Variants in ROBO2 observed in about 807,000 individuals in gnomAD.
The protein encoded by ROBO2 is roundabout guidance receptor 2, also known as roundabout homolog 2.
A neutral mutation model predicts 160.8 loss-of-function variants in ROBO2; 53 were observed. The observed-to-expected ratio is 0.33, with a 90% CI of 0.26 to 0.41. The LOEUF (loss-of-function observed/expected upper bound fraction) is 0.41, where lower values mean the gene tolerates loss of function less well. Among genes scored for constraint, ROBO2 ranks in the 10% least tolerant of loss-of-function variants. The pLI is 1.00. For synonymous variants in ROBO2, 664 were observed against 611.7 expected (o/e 1.09, Z -1.26); for missense variants, 1,577 against 1,722.4 (o/e 0.92, Z 1.49).
intron 20 of ROBO2, among the ~76,000 whole-genome samples, chr3:77,605,091 A>G (rs975466948): frequency 1.1e-4 from 17 of 151,138 alleles, no homozygotes; most frequent in African/African-American, 3.6e-4. Flanking sequence ...CTTGAGCCTG[A>G]GAAGTTGAGC....
At chr3:76,092,611 T>C (rs1208293640) in intron 2 of ROBO2, among the ~76,000 whole-genome samples, 1 of 152,202 alleles carries the variant, frequency 6.6e-6, no homozygotes, top group Admixed American at 6.5e-5. Flanking sequence ...TAACAGGTGT[T>C]CTAGCAAGAC....
At position 76,131,193 on chromosome 3, in the gene ROBO2, C is replaced by G. The variant is rs1261574039; in HGVS notation, c.109+193591C>G. 2.0e-5 allele frequency among the ~76,000 whole-genome samples: 3 copies of G among 152,114 alleles called. No individual in the cohort carries two copies. In the East Asian group the frequency reaches 5.8e-4, roughly 29 times the overall value. ...TACATAAGTGCTTGAATTATAACTG[C>G]TTGAAATTGAAAACTTCACCTGCTA... On this transcript the variant is annotated intron_variant, in intron 2 of 26. Coordinates refer to the ROBO2 transcript ENST00000487694.
chr3:77,260,354 A>G (rs565056184), intron 2 of ROBO2, among the ~76,000 whole-genome samples: 16 of 152,332 alleles, frequency 1.1e-4, no homozygotes, highest in African/African-American at 3.8e-4. Context: ...GGGAGGTGAT[A>G]ATACTCCACA....
intron 2 of ROBO2, among the ~76,000 whole-genome samples, chr3:76,922,469 A>T (rs549793339): frequency 2.2e-4 from 33 of 152,278 alleles, no homozygotes; most frequent in African/African-American, 7.9e-4. Flanking sequence ...AACCAGTAAA[A>T]CTGAAGCCCA....
intron 2 of ROBO2, among the ~76,000 whole-genome samples, chr3:76,838,516 G>T (rs947306584): frequency 2.6e-5 from 4 of 152,054 alleles, no homozygotes; most frequent in African/African-American, 9.7e-5. Flanking sequence ...TCTAGTAGGG[G>T]TCATTGAGAA....
chr3:76,322,162 C>T (rs1294260565), intron 2 of ROBO2, among the ~76,000 whole-genome samples: 2 of 35,378 alleles, frequency 5.7e-5, no homozygotes, highest in African/African-American at 2.8e-4. Flanking sequence ...TCTACTTCTT[C>T]CGTATATATA....
At chr3:77,612,326 ATC>A (rs533597411) in intron 21 of ROBO2, among the ~76,000 whole-genome samples, 2 of 152,222 alleles carry the variant, frequency 1.3e-5, no homozygotes, top group Non-Finnish European at 2.9e-5. Context: ...TTGTAGAGTC[ATC>A]TGTTACTTTC....
At chr3:76,336,885 A>C (rs1199148823) in intron 2 of ROBO2, among the ~76,000 whole-genome samples, 4 of 152,330 alleles carry the variant, frequency 2.6e-5, no homozygotes, top group African/African-American at 4.8e-5. Flanking sequence ...GTATATATTT[A>C]ATTGTCAATT....
intron 5 of ROBO2, among the ~76,000 whole-genome samples, chr3:77,522,513 T>A (rs189689106): frequency 6.6e-6 from 1 of 151,272 alleles, no homozygotes; most frequent in African/African-American, 2.4e-5. Context: ...GTGCTAATTA[T>A]GCCTTTGATA....
chr3:77,357,351 T>A (rs184334688), intron 2 of ROBO2, among the ~76,000 whole-genome samples: 19 of 152,230 alleles, frequency 1.2e-4, no homozygotes, highest in Admixed American at 1.2e-3. Context: ...GATGAAAGGA[T>A]GAGTTCGGCT....
chr3:76,046,068 G>A (rs1373702186), intron 2 of ROBO2, among the ~76,000 whole-genome samples: 1 of 151,822 alleles, frequency 6.6e-6, no homozygotes, highest in Non-Finnish European at 1.5e-5. Flanking sequence ...TGAGTGATCT[G>A]TTCAGGCCCA....
intron 2 of ROBO2, among the ~76,000 whole-genome samples, chr3:77,421,445 T>A (rs1255994941): frequency 1.3e-5 from 2 of 152,134 alleles, no homozygotes; most frequent in Non-Finnish European, 2.9e-5. Context: ...GTGATGCAGC[T>A]TCAGTATAAA....
At chr3:77,602,477 A>G in exon 20 of ROBO2, 1 of 1,614,140 alleles carries the variant, frequency 6.2e-7, no homozygotes, top group Non-Finnish European at 8.5e-7. Flanking sequence ...CCTGATCAGA[A>G]CAAAGGTAAC....
chr3:77,052,888 A>G (rs912216539), intron 1 of ROBO2, among the ~76,000 whole-genome samples: 3 of 152,218 alleles, frequency 2.0e-5, no homozygotes, highest in African/African-American at 4.8e-5. Context: ...GCAGCTAATG[A>G]GAAAGTGTTA....
chr3:76,249,514 A>C (rs929335244), intron 2 of ROBO2, among the ~76,000 whole-genome samples: 30 of 152,130 alleles, frequency 2.0e-4, no homozygotes, highest in African/African-American at 7.0e-4. Flanking sequence ...GCAGAAAGAA[A>C]AGTTATTATT....
intron 2 of ROBO2, among the ~76,000 whole-genome samples, chr3:76,733,695 T>C (rs1419826508): frequency 6.6e-6 from 1 of 152,232 alleles, no homozygotes; most frequent in African/African-American, 2.4e-5. Flanking sequence ...GAATTATAAA[T>C]ATCAGTAAAT....
intron 2 of ROBO2, among the ~76,000 whole-genome samples, chr3:76,534,635 A>G (rs191547013): frequency 8.8e-4 from 134 of 152,250 alleles, no homozygotes; most frequent in African/African-American, 3.2e-3. Flanking sequence ...AGAATGCATT[A>G]TGTTGTGCTG....
chr3:77,204,277 C>T (rs1468673699), intron 2 of ROBO2, among the ~76,000 whole-genome samples: 2 of 152,142 alleles, frequency 1.3e-5, no homozygotes, highest in Admixed American at 1.3e-4. Context: ...CATAACATGG[C>T]ATTCAGTGCA....
At chr3:76,166,025 A>G (rs2072824107) in intron 2 of ROBO2, among the ~76,000 whole-genome samples, 4 of 152,140 alleles carry the variant, frequency 2.6e-5, no homozygotes, top group Admixed American at 2.6e-4. Flanking sequence ...ACCACAACAG[A>G]TACAATAATA....
Sources: gnomAD v4.1 joint callset for allele counts (sites outside exome capture counted in the v4.1 genomes callset) on GRCh38, gnomAD v4.1.1 for gene constraint, MANE v1.5 for transcripts, NCBI Gene and HGNC (gene_info 2026-07-23, HGNC 2026-07-21) for gene names.